The following CSMD2 variants were observed in gnomAD, a reference collection of about 807,000 sequenced individuals.
CSMD2 encodes the protein CUB and sushi domain-containing protein 2.
In CSMD2, 130 loss-of-function variants were observed where a neutral mutation model predicts 398.5. The ratio of observed to expected loss-of-function variants is 0.33; its 90% CI spans 0.28 to 0.38. The LOEUF (loss-of-function observed/expected upper bound fraction) is 0.38. Among genes scored for constraint, CSMD2 ranks in the 10% least tolerant of loss-of-function variants. The probability of loss-of-function intolerance (pLI) is 1.00; values close to 1 mark genes in which losing one functional copy is unlikely to be tolerated. For missense variants in CSMD2, 3,829 were observed against 4,764.9 expected, an observed-to-expected ratio of 0.80 and a Z score of 5.78; for synonymous variants, 1,828 against 1,908.5, an observed-to-expected ratio of 0.96 and a Z score of 1.10.
chr1:33,577,779 C>T (rs1237265172), intron 48 of CSMD2, among the ~76,000 whole-genome samples: 2 of 152,180 alleles, frequency 1.3e-5, no homozygotes, highest in Non-Finnish European at 2.9e-5. Context: ...TAAGTTCAGG[C>T]TCTCAAATCC....
chr1:34,042,163 A>T (rs1277928439), intron 2 of CSMD2, among the ~76,000 whole-genome samples: 2 of 152,234 alleles, frequency 1.3e-5, no homozygotes, highest in African/African-American at 4.8e-5. Context: ...GTAAGTCTTG[A>T]TTCCTGCTTG....
chr1:33,865,339 G>A (rs1189156968), intron 5 of CSMD2, among the ~76,000 whole-genome samples: 1 of 151,348 alleles, frequency 6.6e-6, no homozygotes, highest in Non-Finnish European at 1.5e-5. Context: ...CGCTCAGTGG[G>A]GCCAGGGTGA....
intron 13 of CSMD2, among the ~76,000 whole-genome samples, chr1:33,748,848 ACTT>A (rs1647768968): frequency 6.6e-6 from 1 of 152,166 alleles, no homozygotes; most frequent in Admixed American, 6.5e-5. Context: ...AGGAATGCAA[ACTT>A]CTTTACAGGT....
chr1:33,647,764 T>C (rs1643533724), intron 28 of CSMD2, among the ~76,000 whole-genome samples: 1 of 152,224 alleles, frequency 6.6e-6, no homozygotes, highest in Non-Finnish European at 1.5e-5. Context: ...ACAAAAAGTT[T>C]ATGGGGACAA....
intron 7 of CSMD2, 72 bp from the exon 8 acceptor site, chr1:33,820,628 C>G: frequency 9.8e-7 from 1 of 1,025,132 alleles, no homozygotes; most frequent in South Asian, 1.4e-5. Context: ...GAGGCACCAG[C>G]TGGGGCAATG....
Position 33,788,604 on chromosome 1 carries a change from A to T in CSMD2, c.1659T>A (p.Tyr553Ter). Residue 553 changes from tyrosine (Y) to a stop codon, truncating the protein, a stop_gained, in exon 12 of 71, where the codon TAT becomes TAA. Coordinates refer to ENST00000373381, the MANE Select transcript of CSMD2 (RefSeq NM_001281956.2). LOFTEE classifies it high-confidence loss of function. ...TGGCTTGCCAAAAGCAGTTACCTTC[A>T]TAAGAAGCCTTGAATCCCAGGGAAC... ...SGSSLGFKASYEEIEQGSCGD... is the reference protein window; with the variant it reads ...SGSSLGFKAS 1 of 1,596,446 alleles carries T rather than the reference A, an allele frequency of 6.3e-7. No individual in the cohort carries two copies. The highest frequency in any genetic ancestry group is 8.6e-7 in the Non-Finnish European group (1 of 1,164,034).
At chr1:33,945,364 A>G (rs1644807261) in intron 3 of CSMD2, among the ~76,000 whole-genome samples, 2 of 152,176 alleles carry the variant, frequency 1.3e-5, no homozygotes, top group South Asian at 4.1e-4. Context: ...TAATTTGCCA[A>G]TTTGGGCAAC....
intron 15 of CSMD2, among the ~76,000 whole-genome samples, chr1:33,735,425 G>A (rs1283308348): frequency 1.3e-5 from 2 of 152,074 alleles, no homozygotes; most frequent in South Asian, 2.1e-4. Context: ...CAGGTACGCC[G>A]GTGTAGCTGC....
intron 9 of CSMD2, chr1:33,813,259 T>C (rs909790187): frequency 6.6e-6 from 1 of 152,192 alleles, no homozygotes; most frequent in African/African-American, 2.4e-5. Context: ...AATTAAAATA[T>C]TACAGTCTGC....
intron 5 of CSMD2, among the ~76,000 whole-genome samples, chr1:33,881,500 G>T (rs1415238823): frequency 6.6e-6 from 1 of 152,124 alleles, no homozygotes; most frequent in Non-Finnish European, 1.5e-5. Context: ...AGTATGCATA[G>T]TTATGGTGTG....
chr1:34,079,658 C>T (rs915918291), intron 2 of CSMD2, among the ~76,000 whole-genome samples: 42 of 152,020 alleles, frequency 2.8e-4, no homozygotes, highest in Admixed American at 1.1e-3. Context: ...GCTACAAACA[C>T]GAAGAAAATT....
chr1:33,573,495 A>G (rs1659784083), intron 49 of CSMD2, among the ~76,000 whole-genome samples: 1 of 151,884 alleles, frequency 6.6e-6, no homozygotes, highest in Non-Finnish European at 1.5e-5. Context: ...AAATAAAATC[A>G]GTGTGCTCTG....
intron 13 of CSMD2, among the ~76,000 whole-genome samples, chr1:33,751,670 G>A (rs943650921): frequency 1.3e-5 from 2 of 152,312 alleles, no homozygotes; most frequent in South Asian, 2.1e-4. Context: ...TTGCCAGGCT[G>A]GAGTGCAGTG....
intron 7 of CSMD2, among the ~76,000 whole-genome samples, chr1:33,821,939 G>C (rs1478166342): frequency 6.6e-6 from 1 of 152,180 alleles, no homozygotes; most frequent in Non-Finnish European, 1.5e-5. Flanking sequence ...CCTGGAAAGA[G>C]AATGCGTGTT....
At chr1:33,835,701 C>A (rs913390744) in intron 6 of CSMD2, among the ~76,000 whole-genome samples, 29 of 89,644 alleles carry the variant, frequency 3.2e-4, no homozygotes, top group African/African-American at 1.3e-3. Context: ...AAAAAACAAA[C>A]AAAAATACAT....
intron 57 of CSMD2, among the ~76,000 whole-genome samples, chr1:33,544,325 G>A: frequency 6.8e-6 from 1 of 147,468 alleles, no homozygotes; most frequent in East Asian, 2.0e-4. Flanking sequence ...CACCGTATTA[G>A]CCAGGATGGT....
intron 3 of CSMD2, among the ~76,000 whole-genome samples, chr1:34,024,303 C>T (rs1291394702): frequency 3.3e-5 from 5 of 152,260 alleles, no homozygotes; most frequent in African/African-American, 9.6e-5. Context: ...CAGAGGTACA[C>T]TGTATCTGCA....
intron 1 of CSMD2, among the ~76,000 whole-genome samples, chr1:34,132,784 G>C (rs553964002): frequency 1.3e-5 from 2 of 152,096 alleles, no homozygotes; most frequent in Non-Finnish European, 2.9e-5. Flanking sequence ...CTTACACCAG[G>C]GTTCACCCCC....
rs772986655 is a variant in CSMD2 at position 33,602,504 on chromosome 1, T to G, written c.6575A>C (p.Tyr2192Ser). The change falls in exon 43 of 71, where the codon TAC becomes TCC. Residue 2192 changes from tyrosine to serine, a missense_variant. Coordinates refer to ENST00000373381, the MANE Select transcript of CSMD2 (RefSeq NM_001281956.2). ...GNITSSNGTV[Y>S]SPGFPSPYSS... ...GTACGGGCTAGGGAACCCCGGGGAG[T>G]ACACAGTGCCGTTGGAAGAAGTGAT... 7.5e-6 allele frequency: 12 copies of G among 1,609,124 alleles called. No homozygotes were observed. Among genetic ancestry groups the G allele is most frequent in the Non-Finnish European group, 9.3e-6 (11 of 1,178,358 alleles).
Sources: gnomAD v4.1 joint callset for allele counts (sites outside exome capture counted in the v4.1 genomes callset) on GRCh38, gnomAD v4.1.1 for gene constraint, MANE v1.5 for transcripts, NCBI Gene and HGNC (gene_info 2026-07-23, HGNC 2026-07-21) for gene names.